PAG1: variants seen among roughly 807,000 people sequenced by gnomAD.
PAG1 encodes phosphoprotein associated with glycosphingolipid-enriched microdomains 1.
PAG1 carries 23 observed loss-of-function variants against 31.7 expected under a neutral mutation model. The ratio of observed to expected loss-of-function variants is 0.73; its 90% CI spans 0.52 to 1.03. PAG1 has a LOEUF of 1.03. PAG1 is among the 50% of genes least tolerant of loss of function. PAG1 has a pLI of 0.00. For synonymous variants in PAG1, 214 were observed against 210.3 expected (o/e 1.02, Z -0.15); for missense variants, 473 against 540.7 (o/e 0.87, Z 1.24).
intron 2 of PAG1, among the ~76,000 whole-genome samples, chr8:81,057,093 G>A (rs1808836476): frequency 6.6e-6 from 1 of 152,182 alleles, no homozygotes; most frequent in Non-Finnish European, 1.5e-5. Context: ...AGGATGTGAA[G>A]AAATAGGAAC....
chr8:80,979,930 T>C (rs6999405), intron 8 of PAG1, among the ~76,000 whole-genome samples: 31,923 of 152,132 alleles, frequency 0.21, 5,458 homozygotes, highest in African/African-American at 0.48. Context: ...TCTTGTTGGC[T>C]GCTATGTCTG....
intron 2 of PAG1, among the ~76,000 whole-genome samples, chr8:81,037,477 C>A (rs1808480301): frequency 6.6e-6 from 1 of 152,100 alleles, no homozygotes; most frequent in South Asian, 2.1e-4. Context: ...AATCAAATGA[C>A]CGAAGTGTTC....
intron 2 of PAG1, among the ~76,000 whole-genome samples, chr8:81,053,236 A>G (rs1475398623): frequency 6.6e-6 from 1 of 152,262 alleles, no homozygotes; most frequent in Non-Finnish European, 1.5e-5. Context: ...GAGGCCCTGA[A>G]TAAAGAATAG....
At chr8:81,090,175 A>C (rs1809423049) in intron 1 of PAG1, among the ~76,000 whole-genome samples, 2 of 152,212 alleles carry the variant, frequency 1.3e-5, no homozygotes, top group Non-Finnish European at 2.9e-5. Flanking sequence ...TCTCTCTCCC[A>C]GGTAATTTGT....
At chr8:81,012,846 G>C (rs1305931448) in intron 3 of PAG1, among the ~76,000 whole-genome samples, 1 of 152,188 alleles carries the variant, frequency 6.6e-6, no homozygotes, top group Non-Finnish European at 1.5e-5. Context: ...GCACTAGCTA[G>C]AAAGTCTAAC....
chr8:80,983,517 A>T (rs1211469684), intron 7 of PAG1, among the ~76,000 whole-genome samples: 2 of 152,230 alleles, frequency 1.3e-5, no homozygotes, highest in African/African-American at 4.8e-5. Context: ...TAAATAAATG[A>T]ATGAATATTA....
chr8:80,991,981 T>C (rs1053193086), intron 4 of PAG1, among the ~76,000 whole-genome samples: 1 of 150,610 alleles, frequency 6.6e-6, no homozygotes, highest in African/African-American at 2.5e-5. Flanking sequence ...GCTCTCAGGG[T>C]GAGTCATATG....
intron 2 of PAG1, among the ~76,000 whole-genome samples, chr8:81,063,123 A>C (rs1385158099): frequency 6.6e-6 from 1 of 152,200 alleles, no homozygotes; most frequent in South Asian, 2.1e-4. Context: ...CTAAAATGAA[A>C]GCCCTATTTG....
At chr8:81,104,440 C>T (rs1272185903) in intron 1 of PAG1, among the ~76,000 whole-genome samples, 2 of 147,618 alleles carry the variant, frequency 1.4e-5, no homozygotes, top group African/African-American at 5.0e-5. Context: ...ACAACCTCAA[C>T]AACAATTTCA....
At chr8:80,986,808 A>AG (rs1409975551) in intron 6 of PAG1, among the ~76,000 whole-genome samples, 2 of 91,184 alleles carry the variant, frequency 2.2e-5, no homozygotes, top group Admixed American at 1.1e-4. Flanking sequence ...GTGAATAGGG[A>AG]GGGGGGAGGG....
intron 1 of PAG1, among the ~76,000 whole-genome samples, chr8:81,072,982 C>CA (rs1809118845): frequency 6.6e-6 from 1 of 152,184 alleles, no homozygotes. Flanking sequence ...CAGAACTCCT[C>CA]AAAATAAAAT....
Position 80,984,914 on chromosome 8 carries a change from A to G in PAG1, c.738T>C (p.Leu246=). The change falls in exon 7 of 9, where the codon CTT becomes CTC. Residue 246 remains leucine, a synonymous_variant. Transcript: ENST00000220597. ...CRQSVNVESI[L]GNSCDPEEEA... is the part of the protein sequence containing the mutation. ...CCTCTTCTGGATCACATGAATTTCC[A>G]AGGATACTCTCTACATTAACACTTT... The G allele has an allele frequency of 3.1e-6, 5 of 1,614,154 alleles. No homozygotes were observed. Among genetic ancestry groups the G allele is most frequent in the Non-Finnish European group, 4.2e-6 (5 of 1,180,028 alleles).
chr8:81,060,571 G>T (rs1246451511), intron 2 of PAG1, among the ~76,000 whole-genome samples: 1 of 152,192 alleles, frequency 6.6e-6, no homozygotes. Context: ...TCAGGGATTA[G>T]ATTTTGGAGA....
At position 81,041,125 on chromosome 8, in the gene PAG1, A is replaced by G. The variant is rs1036192195; in HGVS notation, c.-174-11036T>C. On this transcript the variant is annotated intron_variant, in intron 2 of 8. Transcript: ENST00000220597. Reference sequence around the variant, plus strand: ...AGAAGAAAGAAGGAGAAACAAAAACACCCCTTGAATCTTAACTGTGAGAGC... The same window carrying G: ...AGAAGAAAGAAGGAGAAACAAAAACGCCCCTTGAATCTTAACTGTGAGAGC... Among the ~76,000 whole-genome samples, 2 of 152,030 alleles carry G rather than the reference A, an allele frequency of 1.3e-5. 1 individual carries two copies. The highest frequency in any genetic ancestry group is 3.9e-4 in the East Asian group (2 of 5,164).
chr8:81,007,123 G>A (rs1807894317), intron 3 of PAG1, among the ~76,000 whole-genome samples: 1 of 152,138 alleles, frequency 6.6e-6, no homozygotes, highest in Non-Finnish European at 1.5e-5. Context: ...TCAACAGAGA[G>A]GCAGAGAGAG....
At chr8:81,047,468 T>G (rs1458571268) in intron 2 of PAG1, among the ~76,000 whole-genome samples, 1 of 152,216 alleles carries the variant, frequency 6.6e-6, no homozygotes, top group African/African-American at 2.4e-5. Context: ...TTCATATGTT[T>G]GTTGACTGCA....
chr8:81,012,583 T>G (rs148036490), intron 3 of PAG1, among the ~76,000 whole-genome samples: 47 of 152,346 alleles, frequency 3.1e-4, no homozygotes, highest in African/African-American at 1.1e-3. Context: ...AAAACATACT[T>G]AAAGAAGAAT....
intron 1 of PAG1, among the ~76,000 whole-genome samples, chr8:81,085,736 G>A (rs1270791369): frequency 6.6e-6 from 1 of 152,182 alleles, no homozygotes; most frequent in Non-Finnish European, 1.5e-5. Context: ...AGGTGCCTGA[G>A]ACCTAAAAAT....
chr8:81,025,976 G>A (rs1178446667), intron 3 of PAG1, among the ~76,000 whole-genome samples: 1 of 152,146 alleles, frequency 6.6e-6, no homozygotes, highest in African/African-American at 2.4e-5. Context: ...GGAGACACCC[G>A]TGTTTAGACG....
Sources: allele counts gnomAD v4.1 joint callset (sites outside exome capture counted in the v4.1 genomes callset), GRCh38; gene constraint gnomAD v4.1.1; transcripts MANE v1.5; gene names NCBI Gene and HGNC (gene_info 2026-07-23, HGNC 2026-07-21).